ANXA3: variants seen among roughly 807,000 people sequenced by gnomAD.
ANXA3 encodes the protein 35-alpha calcimedin.
Under a neutral mutation model 48.8 loss-of-function variants are expected in ANXA3, and 46 were observed. The observed-to-expected ratio is 0.94, with a 90% CI of 0.74 to 1.21. The LOEUF (loss-of-function observed/expected upper bound fraction) is 1.21. ANXA3 is among the 50% of genes most tolerant of loss of function. The pLI, the probability that ANXA3 is intolerant of heterozygous loss-of-function variation, is 0.00. For missense variants in ANXA3, 383 were observed against 378.6 expected (o/e 1.01, Z -0.10); for synonymous variants, 128 against 134.7 (o/e 0.95, Z 0.35).
At chr4:78,552,475 A>G (rs1722417692) in intron 1 of ANXA3, 1 of 152,212 alleles carries the variant, frequency 6.6e-6, no homozygotes, top group Non-Finnish European at 1.5e-5. Flanking sequence ...TGAAAAGACT[A>G]ACCGTTTTCT....
At position 78,582,216 on chromosome 4, in the gene ANXA3, T is replaced by G. The variant is rs1560446036; in HGVS notation, c.238T>G (p.Phe80Val). ...CTTGAAGGGTGATCTCTCTGGCCAC[T>G]TTGAGCATCTCATGGTGGCCCTAGT... ...DDLKGDLSGH[F>V]EHLMVALVTP... Residue 80 changes from phenylalanine to valine, a missense_variant, in exon 5 of 13, where the codon TTT (phenylalanine) becomes GTT (valine). Phe to Val is a conservative substitution (Grantham distance 50). Transcript: ENST00000264908. The G allele has an allele frequency of 1.2e-6, 2 of 1,613,686 alleles. No homozygotes were observed. The highest frequency in any genetic ancestry group is 1.7e-6 in the Non-Finnish European group (2 of 1,179,622).
At chr4:78,562,791 A>AT (rs1255778175) in intron 2 of ANXA3, among the ~76,000 whole-genome samples, 2 of 152,158 alleles carry the variant, frequency 1.3e-5, no homozygotes, top group African/African-American at 4.8e-5. Flanking sequence ...GGGGGGTGTG[A>AT]TTTTCTGCTC....
At chr4:78,606,826 AACTT>A (rs1372760818) in intron 12 of ANXA3, among the ~76,000 whole-genome samples, 1 of 152,206 alleles carries the variant, frequency 6.6e-6, no homozygotes, top group Non-Finnish European at 1.5e-5. Flanking sequence ...TGAAATCAGG[AACTT>A]ACTCAAAAAG....
chr4:78,586,665 T>C (rs764203393), intron 6 of ANXA3, among the ~76,000 whole-genome samples: 1 of 152,242 alleles, frequency 6.6e-6, no homozygotes, highest in Non-Finnish European at 1.5e-5. Flanking sequence ...ACTCAAATCG[T>C]ATTTTATTTT....
intron 6 of ANXA3, among the ~76,000 whole-genome samples, chr4:78,590,071 GAAGGA>G (rs1250162742): frequency 2.0e-5 from 3 of 152,172 alleles, no homozygotes; most frequent in African/African-American, 7.2e-5. Context: ...CAAAATATTT[GAAGGA>G]AAGGGAGAGG....
At chr4:78,563,669 T>G (rs1722671145) in intron 2 of ANXA3, among the ~76,000 whole-genome samples, 2 of 152,182 alleles carry the variant, frequency 1.3e-5, no homozygotes, top group Non-Finnish European at 2.9e-5. Flanking sequence ...TTATTATTTA[T>G]AAGACACCCA....
chr4:78,596,743 T>A (rs966036688), intron 9 of ANXA3, among the ~76,000 whole-genome samples: 5 of 152,218 alleles, frequency 3.3e-5, no homozygotes, highest in Non-Finnish European at 4.4e-5. Context: ...TTTCTTTTTT[T>A]AAAAATGTAT....
intron 5 of ANXA3, among the ~76,000 whole-genome samples, chr4:78,583,119 G>A (rs1316099447): frequency 2.0e-5 from 3 of 152,140 alleles, no homozygotes; most frequent in Non-Finnish European, 4.4e-5. Context: ...TAGGTAGATT[G>A]CTTGAGCTCA....
chr4:78,585,813 A>G (rs1481254694), intron 5 of ANXA3, among the ~76,000 whole-genome samples: 1 of 152,222 alleles, frequency 6.6e-6, no homozygotes, highest in African/African-American at 2.4e-5. Context: ...CCCATGATGC[A>G]CATTACTGAG....
At chr4:78,587,910 G>A (rs970001963) in intron 6 of ANXA3, among the ~76,000 whole-genome samples, 1 of 152,066 alleles carries the variant, frequency 6.6e-6, no homozygotes, top group African/African-American at 2.4e-5. Context: ...TGGCCAATAT[G>A]GTGAAATCCC....
At chr4:78,567,916 C>T (rs1006434221) in intron 2 of ANXA3, among the ~76,000 whole-genome samples, 3 of 152,198 alleles carry the variant, frequency 2.0e-5, no homozygotes, top group African/African-American at 7.2e-5. Context: ...TTTGAAGAGG[C>T]ACATTCTGGT....
chr4:78,586,295 C>T lies in ANXA3; in HGVS notation c.348C>T (p.Ile116=), dbSNP rs758810918. The change falls in exon 6 of 13, where the codon ATC becomes ATT. Residue 116 remains isoleucine (I), a synonymous_variant. Coordinates refer to ENST00000264908, the MANE Select transcript of ANXA3 (RefSeq NM_005139.3). ...CAAACGAAGATGCCTTGATTGAAAT[C>T]TTAACTACCAGGACAAGCAGGCAAA... ...AGTNEDALIE[I]LTTRTSRQMK... The T allele has an allele frequency of 6.8e-6, 11 of 1,613,532 alleles. No individual in the cohort carries two copies. Among genetic ancestry groups the T allele is most frequent in the Admixed American group, 3.3e-5 (2 of 59,956 alleles).
chr4:78,587,530 C>T (rs1578399565), intron 6 of ANXA3, among the ~76,000 whole-genome samples: 1 of 152,312 alleles, frequency 6.6e-6, no homozygotes, highest in East Asian at 1.9e-4. Flanking sequence ...ATAGAACCCT[C>T]TCCAAGTACT....
chr4:78,556,012 T>C (rs1188649265), intron 2 of ANXA3, among the ~76,000 whole-genome samples: 2 of 152,282 alleles, frequency 1.3e-5, no homozygotes, highest in South Asian at 2.1e-4. Context: ...GAGAGTAAAT[T>C]TGGTACACTT....
At chr4:78,599,006 A>G (rs1723484000) in intron 10 of ANXA3, among the ~76,000 whole-genome samples, 1 of 152,156 alleles carries the variant, frequency 6.6e-6, no homozygotes, top group South Asian at 2.1e-4. Flanking sequence ...TTGGGCTATA[A>G]TGCACATTAT....
chr4:78,554,426 C>T lies in ANXA3; in HGVS notation c.-38-10C>T, dbSNP rs1423764295. On this transcript the variant is annotated splice_polypyrimidine_tract_variant and intron_variant, in intron 1 of 12. Coordinates refer to ENST00000264908, the MANE Select transcript of ANXA3 (RefSeq NM_005139.3). ...ATTGATACCATTTACTAATTGTTTTCTTTTAATAGATTAGTGTGATCTCAG... is the reference window on the plus strand; with the variant it reads ...ATTGATACCATTTACTAATTGTTTTTTTTTAATAGATTAGTGTGATCTCAG... 3 of 1,569,300 alleles carry T rather than the reference C, an allele frequency of 1.9e-6. No individual in the cohort carries two copies. In the African/African-American group the frequency reaches 4.0e-5, roughly 21 times the overall value.
At chr4:78,563,510 C>T (rs1722666190) in intron 2 of ANXA3, among the ~76,000 whole-genome samples, 1 of 100,440 alleles carries the variant, frequency 1.0e-5, no homozygotes, top group Non-Finnish European at 2.3e-5. Context: ...TAAAAGAGGT[C>T]TGAGGGAGCT....
At chr4:78,589,580 C>T (rs1723249074) in intron 6 of ANXA3, among the ~76,000 whole-genome samples, 2 of 152,312 alleles carry the variant, frequency 1.3e-5, no homozygotes, top group Admixed American at 1.3e-4. Flanking sequence ...AGTAACATCC[C>T]CTCCCCTACC....
chr4:78,605,094 C>G (rs1723620566), intron 12 of ANXA3, among the ~76,000 whole-genome samples: 1 of 152,206 alleles, frequency 6.6e-6, no homozygotes, highest in Non-Finnish European at 1.5e-5. Flanking sequence ...TTCTCCATAG[C>G]TTTGGCACAG....
Sources: gnomAD v4.1 joint callset for allele counts (sites outside exome capture counted in the v4.1 genomes callset) on GRCh38, gnomAD v4.1.1 for gene constraint, MANE v1.5 for transcripts, NCBI Gene and HGNC (gene_info 2026-07-23, HGNC 2026-07-21) for gene names.